Variants in IQANK1 observed in about 807,000 individuals in gnomAD.
The protein encoded by IQANK1 is IQ motif and ankyrin repeat containing 1, also known as IQ motif and ankyrin repeat domain-containing protein 1.
IQANK1 carries 30 observed loss-of-function variants against 22.6 expected under a neutral mutation model. The ratio of observed to expected loss-of-function variants is 1.33; its 90% CI spans 0.99 to 1.80. IQANK1 has a LOEUF of 1.80. Ranked by LOEUF, IQANK1 falls within the 40% of genes most tolerant of loss-of-function variation. The probability of loss-of-function intolerance (pLI) is 0.00; values close to 1 mark genes in which losing one functional copy is unlikely to be tolerated. For synonymous variants in IQANK1, 122 were observed against 99.6 expected (o/e 1.23, Z -1.34); for missense variants, 275 against 235.2 (o/e 1.17, Z -1.11).
chr8:143,748,551 T>C (rs1819081663), intron 3 of IQANK1, among the ~76,000 whole-genome samples: 1 of 134,612 alleles, frequency 7.4e-6, no homozygotes, highest in South Asian at 2.2e-4. Flanking sequence ...AATATATAAA[T>C]ATAGATATAT....
At chr8:143,777,627 A>T (rs573977951) in intron 7 of IQANK1, among the ~76,000 whole-genome samples, 6 of 152,142 alleles carry the variant, frequency 3.9e-5, no homozygotes, top group Non-Finnish European at 5.9e-5. Flanking sequence ...TTATATGTGC[A>T]GTGGTTTAAT....
At chr8:143,748,631 A>G (rs1417535621) in intron 3 of IQANK1, among the ~76,000 whole-genome samples, 1 of 113,300 alleles carries the variant, frequency 8.8e-6, no homozygotes, top group African/African-American at 4.4e-5. Flanking sequence ...ATAATATATC[A>G]TATATAAATA....
In IQANK1 at chr8:143,735,444, G is replaced by A. The variant is rs1387314394; in HGVS notation, c.-4-406G>A. On this transcript the variant is annotated intron_variant, in intron 1 of 13. Coordinates refer to ENST00000527139, the MANE Select transcript of IQANK1 (RefSeq NM_001381874.1). This position sits in a 1 kb window ranked among gnomAD's most constrained non-coding sequence, Gnocchi z 5.2. ...GGGTGGGCTGGCTTCCCAGGGCAGT[G>A]GAGAGGCATGGAGGCTTCAGCAGAG... 6.6e-6 allele frequency among the ~76,000 whole-genome samples: 1 copy of A among 152,110 alleles called. No individual in the cohort carries two copies. Among genetic ancestry groups the A allele is most frequent in the Non-Finnish European group, 1.5e-5 (1 of 68,010 alleles).
intron 7 of IQANK1, among the ~76,000 whole-genome samples, chr8:143,776,421 CAG>C (rs1259834114): frequency 6.6e-6 from 1 of 151,312 alleles, no homozygotes. Context: ...AAATCCAAGA[CAG>C]AATATAGGAA....
rs1819575973 is a variant in IQANK1, at chr8:143,771,638, A to G, written c.306+20A>G. 2.5e-6 allele frequency: 1 copy of G among 399,408 alleles called. No individual in the cohort carries two copies. Among genetic ancestry groups the G allele is most frequent in the Admixed American group, 4.4e-5 (1 of 22,688 alleles). 24.7% of individuals were successfully genotyped at this position (399,408 alleles called of 1,614,324 possible). On this transcript the variant is annotated intron_variant, in intron 4 of 13. Transcript: ENST00000527139. The surrounding 1 kb of genome is among the most constrained non-coding windows in gnomAD (Gnocchi z 6.0). ...AAGGAGGTGAGGACGGGCAGCCGCA[A>G]CAGCCGGGGGCCAGGCAGGAGGCAG... is the stretch of plus-strand genomic sequence containing the variant.
intron 3 of IQANK1, among the ~76,000 whole-genome samples, chr8:143,752,844 A>G (rs986984021): frequency 6.6e-6 from 1 of 152,174 alleles, no homozygotes; most frequent in African/African-American, 2.4e-5. Context: ...TTGAAATCAC[A>G]TGAGGATGTA....
At chr8:143,773,885 G>T (rs1819633939) in intron 7 of IQANK1, among the ~76,000 whole-genome samples, 2 of 152,200 alleles carry the variant, frequency 1.3e-5, no homozygotes, top group South Asian at 4.1e-4. Flanking sequence ...CAGACCTGCT[G>T]CCTGGGGCAT....
chr8:143,742,648 C>CA (rs1818946883), intron 3 of IQANK1: 1 of 455,908 alleles, frequency 2.2e-6, no homozygotes, highest in Non-Finnish European at 4.4e-6. Context: ...GAATAGCCTC[C>CA]ACCAGGAAGG....
intron 7 of IQANK1, among the ~76,000 whole-genome samples, chr8:143,778,373 A>C (rs1554630664): frequency 6.6e-6 from 1 of 152,238 alleles, no homozygotes; most frequent in Non-Finnish European, 1.5e-5. Flanking sequence ...ATTAACATCA[A>C]GTAGATTTCA....
chr8:143,787,733 G>A (rs747474532), intron 7 of IQANK1, among the ~76,000 whole-genome samples: 4 of 151,758 alleles, frequency 2.6e-5, no homozygotes, highest in East Asian at 3.9e-4. Flanking sequence ...GAACGCCGGC[G>A]GCTCACCCGC....
At chr8:143,743,829 C>T (rs1818972350) in intron 3 of IQANK1, 1 of 428,936 alleles carries the variant, frequency 2.3e-6, no homozygotes, top group South Asian at 1.7e-5. Flanking sequence ...TTTCTGAATA[C>T]TTATTGGATT....
chr8:143,736,172 G>A (rs1222327845), intron 2 of IQANK1, among the ~76,000 whole-genome samples: 1 of 145,764 alleles, frequency 6.9e-6, no homozygotes, highest in Non-Finnish European at 1.5e-5. Flanking sequence ...ACGGAGTCTC[G>A]CTCTTGTCAC....
At chr8:143,782,383 G>C (rs373963044) in intron 7 of IQANK1, among the ~76,000 whole-genome samples, 3 of 152,222 alleles carry the variant, frequency 2.0e-5, no homozygotes, top group African/African-American at 7.2e-5. Flanking sequence ...TCCTTGTCTT[G>C]TGCCAGTTTT....
intron 3 of IQANK1, among the ~76,000 whole-genome samples, chr8:143,768,349 G>A (rs1418544303): frequency 1.3e-5 from 2 of 151,912 alleles, no homozygotes; most frequent in Admixed American, 6.6e-5. Flanking sequence ...TGCTTGTGAC[G>A]TTGCCCTCGA....
intron 7 of IQANK1, among the ~76,000 whole-genome samples, chr8:143,788,674 C>T (rs554752456): frequency 2.3e-4 from 35 of 152,122 alleles, no homozygotes; most frequent in Non-Finnish European, 4.4e-4. Context: ...GGAGCAGGTT[C>T]CTGCTTGGAC....
intron 3 of IQANK1, among the ~76,000 whole-genome samples, chr8:143,749,100 C>A (rs1273951750): frequency 8.4e-6 from 1 of 118,754 alleles, no homozygotes; most frequent in Non-Finnish European, 1.6e-5. Flanking sequence ...AAATATATAG[C>A]ATATATGATA....
chr8:143,777,918 G>A (rs1270439234), intron 7 of IQANK1, among the ~76,000 whole-genome samples: 1 of 152,140 alleles, frequency 6.6e-6, no homozygotes, highest in East Asian at 1.9e-4. Context: ...ATTGTTGCCG[G>A]GCGCGGTGGC....
chr8:143,764,344 G>C (rs1301417727), intron 3 of IQANK1, among the ~76,000 whole-genome samples: 1 of 151,844 alleles, frequency 6.6e-6, no homozygotes, highest in East Asian at 1.9e-4. Context: ...ACCAGGCGCA[G>C]TGGCTCCTGC....
chr8:143,740,073 C>G (rs1818862437), intron 3 of IQANK1, 125 bp downstream of exon 3: 1 of 536,212 alleles, frequency 1.9e-6, no homozygotes, highest in South Asian at 2.5e-5. Context: ...TGTGCTTGTG[C>G]GCGCACGTGT....
Sources: allele counts gnomAD v4.1 joint callset (sites outside exome capture counted in the v4.1 genomes callset), GRCh38; gene constraint gnomAD v4.1.1; non-coding constraint Gnocchi (gnomAD v3.1); transcripts MANE v1.5; gene names NCBI Gene and HGNC (gene_info 2026-07-23, HGNC 2026-07-21).